Variants in TTLL5 observed in about 807,000 individuals in gnomAD.
The protein encoded by TTLL5 is tubulin tyrosine ligase like 5, also known as tubulin polyglutamylase TTLL5.
In TTLL5, 132 loss-of-function variants were observed where a neutral mutation model predicts 168.4. The ratio of observed to expected loss-of-function variants is 0.78; its 90% confidence interval spans 0.68 to 0.91. TTLL5 has a LOEUF of 0.91. TTLL5 is among the 40% of genes least tolerant of loss of function. The pLI, the probability that TTLL5 is intolerant of heterozygous loss-of-function variation, is 0.00. For synonymous variants in TTLL5, 546 were observed against 558.6 expected (o/e 0.98, Z 0.32); for missense variants, 1,545 against 1,581.5 (o/e 0.98, Z 0.39).
At chr14:75,680,192 C>T (rs996101598) in intron 3 of TTLL5, among the ~76,000 whole-genome samples, 2 of 152,166 alleles carry the variant, frequency 1.3e-5, no homozygotes, top group African/African-American at 4.8e-5. Flanking sequence ...AGAGTAAATA[C>T]ATTGAAATCT....
At chr14:75,770,753 T>A (rs1207165987) in intron 20 of TTLL5, among the ~76,000 whole-genome samples, 2 of 152,224 alleles carry the variant, frequency 1.3e-5, no homozygotes, top group African/African-American at 4.8e-5. Context: ...AAGGTGCTTT[T>A]CACAAGACTT....
At chr14:75,715,731 A>G (rs1887399632) in intron 9 of TTLL5, among the ~76,000 whole-genome samples, 1 of 151,934 alleles carries the variant, frequency 6.6e-6, no homozygotes, top group South Asian at 2.1e-4. Flanking sequence ...ACGCTTTGAT[A>G]TTAGAAATCT....
At chr14:75,827,550 G>C (rs1421105919) in intron 28 of TTLL5, among the ~76,000 whole-genome samples, 1 of 151,930 alleles carries the variant, frequency 6.6e-6, no homozygotes, top group Non-Finnish European at 1.5e-5. Context: ...GGCAGGCCCA[G>C]GTGTTCATTA....
intron 27 of TTLL5, 95 bp from the exon 28 acceptor site, chr14:75,819,912 A>G: frequency 1.5e-6 from 2 of 1,369,878 alleles, no homozygotes; most frequent in Non-Finnish European, 9.8e-7. Context: ...AGGGGTCAGC[A>G]TCTGTTGGCC....
chr14:75,890,736 T>C (rs1363880185), intron 30 of TTLL5, among the ~76,000 whole-genome samples: 2 of 152,202 alleles, frequency 1.3e-5, no homozygotes, highest in Non-Finnish European at 2.9e-5. Flanking sequence ...TTTTGTTTTT[T>C]TGAGATGGAG....
intron 26 of TTLL5, among the ~76,000 whole-genome samples, chr14:75,787,299 T>C (rs1892424201): frequency 6.6e-6 from 1 of 151,962 alleles, no homozygotes; most frequent in African/African-American, 2.4e-5. Flanking sequence ...CGTTTAAAAG[T>C]AAAAAATTGA....
At chr14:75,945,267 A>AT (rs988872116) in intron 31 of TTLL5, among the ~76,000 whole-genome samples, 1 of 148,450 alleles carries the variant, frequency 6.7e-6, no homozygotes, top group African/African-American at 2.5e-5. Flanking sequence ...ATAAAAAAAA[A>AT]TTTTTTTTGA....
chr14:75,869,076 G>C (rs2030796858), intron 29 of TTLL5, among the ~76,000 whole-genome samples: 1 of 147,832 alleles, frequency 6.8e-6, no homozygotes, highest in Non-Finnish European at 1.5e-5. Context: ...AAGTTCCAGA[G>C]CATATTGACT....
intron 5 of TTLL5, chr14:75,684,901 G>C (rs937341598): frequency 6.6e-6 from 1 of 152,156 alleles, no homozygotes; most frequent in Non-Finnish European, 1.5e-5. Flanking sequence ...ACACAGTTGT[G>C]TTCACTTTGT....
intron 27 of TTLL5, among the ~76,000 whole-genome samples, chr14:75,810,463 G>A (rs756102934): frequency 1.3e-5 from 2 of 152,060 alleles, no homozygotes; most frequent in Non-Finnish European, 2.9e-5. Context: ...GAATTCCCAG[G>A]CTCAAGTGAT....
At position 75,737,566 on chromosome 14, in the gene TTLL5, C is replaced by T. The variant is rs150973868; in HGVS notation, c.1281+2277C>T. ...TATTCCATTTTTCTGTCTTTTATAG[C>T]GTCCAGTATCTGCACAGTTTCAGTC... On this transcript the variant is annotated intron_variant, in intron 15 of 31. Transcript: ENST00000298832. 4,323 of 1,535,114 alleles carry T rather than the reference C, an allele frequency of 2.8e-3. 12 individuals are homozygous for T. Among genetic ancestry groups the T allele is most frequent in the Non-Finnish European group, 3.4e-3 (3,864 of 1,146,470 alleles).
At chr14:75,666,305 A>G (rs1055560558) in intron 2 of TTLL5, among the ~76,000 whole-genome samples, 1 of 152,190 alleles carries the variant, frequency 6.6e-6, no homozygotes, top group South Asian at 2.1e-4. Flanking sequence ...ATTCCTTGCA[A>G]TCGTGGACTT....
intron 3 of TTLL5, among the ~76,000 whole-genome samples, chr14:75,676,497 G>C (rs941920121): frequency 1.3e-5 from 2 of 152,120 alleles, no homozygotes; most frequent in East Asian, 1.9e-4. Context: ...TGCACACAGA[G>C]GGCTACCGGA....
intron 9 of TTLL5, chr14:75,710,045 CTG>C (rs1485771488): frequency 6.6e-6 from 1 of 151,826 alleles, no homozygotes; most frequent in East Asian, 1.9e-4. Flanking sequence ...CACTTCTCTC[CTG>C]TGTCAAGTTT....
At chr14:75,885,671 C>T (rs988426124) in intron 30 of TTLL5, among the ~76,000 whole-genome samples, 3 of 152,172 alleles carry the variant, frequency 2.0e-5, no homozygotes, top group South Asian at 2.1e-4. Flanking sequence ...TCATGGCTCT[C>T]GAAATCAGGA....
intron 29 of TTLL5, among the ~76,000 whole-genome samples, chr14:75,868,396 G>A (rs2030714405): frequency 6.6e-6 from 1 of 152,266 alleles, no homozygotes. Context: ...TTCAACATTA[G>A]TAAATAACTC....
intron 6 of TTLL5, among the ~76,000 whole-genome samples, chr14:75,694,365 C>A (rs762067905): frequency 6.6e-6 from 1 of 152,146 alleles, no homozygotes; most frequent in South Asian, 2.1e-4. Context: ...TTGAGACAGT[C>A]TTACTCTATC....
intron 28 of TTLL5, among the ~76,000 whole-genome samples, chr14:75,842,895 G>A (rs753306827): frequency 4.6e-5 from 7 of 152,164 alleles, no homozygotes; most frequent in Non-Finnish European, 8.8e-5. Context: ...CTTCCTTTGA[G>A]TCAGCCTCAA....
chr14:75,680,291 G>A (rs1184311138), intron 3 of TTLL5, among the ~76,000 whole-genome samples: 4 of 152,166 alleles, frequency 2.6e-5, no homozygotes, highest in African/African-American at 9.7e-5. Flanking sequence ...AGTGAGGCAG[G>A]CTGGATCCTG....
Sources: gnomAD v4.1 joint callset for allele counts (sites outside exome capture counted in the v4.1 genomes callset) on GRCh38, gnomAD v4.1.1 for gene constraint, MANE v1.5 for transcripts, NCBI Gene and HGNC (gene_info 2026-07-23, HGNC 2026-07-21) for gene names.